Variants in WNK1 observed in about 807,000 individuals in gnomAD.
WNK1 encodes the protein serine/threonine-protein kinase WNK1.
In WNK1, 38 loss-of-function variants were observed where a neutral mutation model predicts 222.8. That is an observed-to-expected ratio of 0.17 (90% CI 0.13 to 0.22). The LOEUF (loss-of-function observed/expected upper bound fraction) is 0.22, where lower values mean the gene tolerates loss of function less well. Among genes scored for constraint, WNK1 ranks in the 10% least tolerant of loss-of-function variants. The pLI is 1.00. For missense variants in WNK1, 2,348 were observed against 2,918.4 expected, an observed-to-expected ratio of 0.80 and a Z score of 4.50; for synonymous variants, 1,090 against 1,092.9, an observed-to-expected ratio of 1.00 and a Z score of 0.05.
At position 773,587 on chromosome 12, in the gene WNK1, A is replaced by C. The variant is rs78815937; in HGVS notation, c.759+19263A>C. ...TTCATCACTAAAAGACAATGTCGAT[A>C]TAGCATTTAGAATGTTTGCCTGTTC... On this transcript the variant is annotated intron_variant, in intron 1 of 27. Coordinates refer to ENST00000315939, the MANE Select transcript of WNK1 (RefSeq NM_018979.4). Among the ~76,000 whole-genome samples, 1,141 of 152,350 alleles carry C rather than the reference A, an allele frequency of 7.5e-3. 12 individuals are homozygous for C. Among genetic ancestry groups the C allele is most frequent in the African/African-American group, 0.024 (1,005 of 41,580 alleles).
intron 9 of WNK1, among the ~76,000 whole-genome samples, chr12:877,665 G>A (rs1055024668): frequency 6.6e-6 from 1 of 152,128 alleles, no homozygotes; most frequent in African/African-American, 2.4e-5. Context: ...TTAACAGCTA[G>A]TAAATATTAA....
chr12:845,956 T>C (rs1949997772), intron 4 of WNK1, among the ~76,000 whole-genome samples: 1 of 152,224 alleles, frequency 6.6e-6, no homozygotes, highest in African/African-American at 2.4e-5. Context: ...AGATAATGTC[T>C]TCATTTCACA....
intron 1 of WNK1, among the ~76,000 whole-genome samples, chr12:801,872 T>C (rs1202352990): frequency 6.6e-6 from 1 of 152,200 alleles, no homozygotes; most frequent in African/African-American, 2.4e-5. Flanking sequence ...ACATTTCAAT[T>C]TGTACAATGT....
chr12:893,370 A>T (rs568872092), intron 22 of WNK1, among the ~76,000 whole-genome samples: 1 of 152,256 alleles, frequency 6.6e-6, no homozygotes, highest in Non-Finnish European at 1.5e-5. Flanking sequence ...GCAATCATTA[A>T]AAAGAATGAG....
intron 1 of WNK1, among the ~76,000 whole-genome samples, chr12:781,477 CAG>C (rs1374385149): frequency 6.6e-6 from 1 of 152,194 alleles, no homozygotes; most frequent in Non-Finnish European, 1.5e-5. Flanking sequence ...GCTCTGAACA[CAG>C]TGTTTCTTCT....
intron 4 of WNK1, among the ~76,000 whole-genome samples, chr12:834,393 CTT>C (rs941359325): frequency 1.3e-5 from 2 of 151,982 alleles, no homozygotes; most frequent in Non-Finnish European, 2.9e-5. Flanking sequence ...GTGAAAGAGA[CTT>C]TATCTGTTTA....
At chr12:816,114 T>C (rs890373568) in intron 2 of WNK1, among the ~76,000 whole-genome samples, 10 of 152,134 alleles carry the variant, frequency 6.6e-5, no homozygotes, top group African/African-American at 2.2e-4. Flanking sequence ...AAAACTGAAC[T>C]ATCCGTGAAA....
chr12:902,000 A>G (rs967449747), intron 26 of WNK1, among the ~76,000 whole-genome samples: 1 of 152,062 alleles, frequency 6.6e-6, no homozygotes, highest in Non-Finnish European at 1.5e-5. Flanking sequence ...CCCTAGCATT[A>G]GAAATGAGAG....
chr12:872,808 A>T (rs936335546), intron 9 of WNK1, among the ~76,000 whole-genome samples: 2 of 152,224 alleles, frequency 1.3e-5, no homozygotes, highest in Non-Finnish European at 2.9e-5. Context: ...TCAGTCCAAC[A>T]TATGGTCATG....
At chr12:790,356 G>A (rs770846663) in intron 1 of WNK1, among the ~76,000 whole-genome samples, 12 of 151,898 alleles carry the variant, frequency 7.9e-5, no homozygotes, top group Non-Finnish European at 1.5e-4. Flanking sequence ...CTGTCATCTC[G>A]GCCTCCCAAA....
intron 4 of WNK1, among the ~76,000 whole-genome samples, chr12:835,076 TG>T (rs1328089285): frequency 1.3e-5 from 2 of 152,240 alleles, no homozygotes; most frequent in Non-Finnish European, 2.9e-5. Context: ...CCCAGCACTT[TG>T]GGAAGCCGAG....
chr12:772,382 T>C (rs1353051655), intron 1 of WNK1, among the ~76,000 whole-genome samples: 1 of 151,960 alleles, frequency 6.6e-6, no homozygotes, highest in Non-Finnish European at 1.5e-5. Flanking sequence ...GCAAAATATT[T>C]GTACACAGTA....
rs371448826 is a variant in WNK1, at chr12:885,592, A to G, written c.4788A>G (p.Gln1596=). The change falls in exon 19 of 28, where the codon CAA becomes CAG. Residue 1596 remains glutamine (Q), a synonymous_variant. Transcript: ENST00000315939. ...AGPTSTPLLP[Q]VPSIPPLVQP... Reference sequence around the variant, plus strand: ...CTACTTCTACACCTTTATTACCCCAAGTACCTAGTATCCCACCCTTGGTAC... The same window carrying G: ...CTACTTCTACACCTTTATTACCCCAGGTACCTAGTATCCCACCCTTGGTAC... 1.9e-5 allele frequency: 31 copies of G among 1,613,926 alleles called. No homozygotes were observed. The African/African-American group carries it at 4.0e-4, about 21-fold the overall frequency.
rs1591539161 is a variant in WNK1 at position 753,465 on chromosome 12, C to A, written c.-101C>A. ...TCGTCCGGGTCGGCGCGAACCCGCC[C>A]GGCCGCGGTTCCCTGCAGACCTCTG... On this transcript the variant is annotated 5_prime_UTR_variant, in exon 1 of 28. Transcript: ENST00000315939. The surrounding 1 kb of genome is among the most constrained non-coding windows in gnomAD (Gnocchi z 5.2). 2 of 1,528,152 alleles carry A rather than the reference C, an allele frequency of 1.3e-6. No individual in the cohort carries two copies. The highest frequency in any genetic ancestry group is 2.4e-5 in the East Asian group (1 of 41,434). The allele number at this position is 1,528,152 out of a possible 1,614,324, so 94.7% of individuals were successfully genotyped here. A position where few individuals can be genotyped will look rare whatever the true frequency, so the allele number is the denominator to read the frequency against.
intron 14 of WNK1, among the ~76,000 whole-genome samples, chr12:882,519 G>A (rs1433211222): frequency 3.9e-5 from 6 of 152,108 alleles, no homozygotes; most frequent in African/African-American, 1.4e-4. Context: ...CTCATTTCAT[G>A]CCCACAGTCT....
At chr12:838,419 A>T (rs1007601768) in intron 4 of WNK1, among the ~76,000 whole-genome samples, 1 of 151,566 alleles carries the variant, frequency 6.6e-6, no homozygotes, top group African/African-American at 2.4e-5. Flanking sequence ...TGTTATTATT[A>T]TTATTATTAT....
In WNK1 at chr12:879,966, G is replaced by A. The variant is rs781555619; in HGVS notation, c.2767G>A (p.Gly923Arg). ...QLLQPAVQSM[G>R]IPANLGQAAE... The stretch of plus-strand genomic sequence containing the variant: ...CCTACAACCAGCAGTTCAGTCCATG[G>A]GAATACCAGCTAACCTTGGACAAGC... The change falls in exon 11 of 28, where the codon GGA (glycine) becomes AGA (arginine). Residue 923 changes from glycine to arginine, a missense_variant. Coordinates refer to ENST00000315939, the MANE Select transcript of WNK1 (RefSeq NM_018979.4). 6 of 1,614,144 alleles carry A rather than the reference G, an allele frequency of 3.7e-6. No homozygotes were observed. In the Admixed American group the frequency reaches 1.0e-4, roughly 27 times the overall value.
intron 1 of WNK1, among the ~76,000 whole-genome samples, chr12:801,567 C>A (rs1038901204): frequency 6.8e-6 from 1 of 146,942 alleles, no homozygotes; most frequent in African/African-American, 2.5e-5. Flanking sequence ...TGCCACCATG[C>A]CTGACCATTT....
chr12:843,772 G>T (rs1397922894), intron 4 of WNK1, among the ~76,000 whole-genome samples: 4 of 152,180 alleles, frequency 2.6e-5, no homozygotes, highest in Non-Finnish European at 4.4e-5. Flanking sequence ...GCATCTCAGG[G>T]TGCTTGTATT....
Sources: gnomAD v4.1 joint callset for allele counts (sites outside exome capture counted in the v4.1 genomes callset) on GRCh38, gnomAD v4.1.1 for gene constraint, Gnocchi (gnomAD v3.1) non-coding constraint, MANE v1.5 for transcripts, NCBI Gene and HGNC (gene_info 2026-07-23, HGNC 2026-07-21) for gene names.